Variants in MED1 observed in about 807,000 individuals in gnomAD.
MED1 encodes mediator of RNA polymerase II transcription subunit 1.
Under a neutral mutation model 121.3 loss-of-function variants are expected in MED1, and 17 were observed. The observed-to-expected ratio is 0.14, with a 90% confidence interval of 0.10 to 0.21. The LOEUF (loss-of-function observed/expected upper bound fraction) is 0.21. Among genes scored for constraint, MED1 ranks in the 10% least tolerant of loss-of-function variants. The pLI, the probability that MED1 is intolerant of heterozygous loss-of-function variation, is 1.00. For synonymous variants in MED1, 661 were observed against 694.4 expected (o/e 0.95, Z 0.76); for missense variants, 1,558 against 1,919.4 (o/e 0.81, Z 3.52).
intron 14 of MED1, among the ~76,000 whole-genome samples, chr17:39,418,085 C>CACA (rs1555541882): frequency 1.8e-5 from 1 of 55,648 alleles, no homozygotes; most frequent in Non-Finnish European, 3.1e-5. Context: ...GACTCCGTCT[C>CACA]AAAAAAAAAA....
rs1567639621 is a variant in MED1 at position 39,410,859 on chromosome 17, T to C, written c.1500-138A>G. On this transcript the variant is annotated intron_variant, in intron 16 of 16. Coordinates refer to ENST00000300651, the MANE Select transcript of MED1 (RefSeq NM_004774.4). Reference sequence around the variant, plus strand: ...AATCTGTAAGACAAAAATAGTTCTATCAAATACCAGAGCTTTGGGTAAATA... The same window carrying C: ...AATCTGTAAGACAAAAATAGTTCTACCAAATACCAGAGCTTTGGGTAAATA... The C allele has an allele frequency of 2.0e-5, 26 of 1,278,770 alleles. No individual in the cohort carries two copies. In the South Asian group the frequency reaches 4.1e-4, roughly 20 times the overall value. 79.2% of individuals were successfully genotyped at this position (1,278,770 alleles called of 1,614,324 possible).
At chr17:39,444,951 A>G (rs2144773393) in intron 2 of MED1, among the ~76,000 whole-genome samples, 1 of 152,260 alleles carries the variant, frequency 6.6e-6, no homozygotes, top group East Asian at 1.9e-4. Flanking sequence ...TTTCTCTCTG[A>G]AAAACATTCC....
At chr17:39,411,088 A>G (rs2048351358) in intron 16 of MED1, among the ~76,000 whole-genome samples, 1 of 152,150 alleles carries the variant, frequency 6.6e-6, no homozygotes, top group Non-Finnish European at 1.5e-5. Flanking sequence ...TGGGAGGCCA[A>G]GGCGGCTGGA....
chr17:39,414,743 C>T (rs1445594911), intron 16 of MED1, among the ~76,000 whole-genome samples: 1 of 148,060 alleles, frequency 6.8e-6, no homozygotes, highest in Non-Finnish European at 1.5e-5. Flanking sequence ...AATCTTGGCT[C>T]ACTGCAACCT....
chr17:39,425,993 G>A (rs2048511669), intron 10 of MED1, among the ~76,000 whole-genome samples: 2 of 152,054 alleles, frequency 1.3e-5, no homozygotes, highest in Admixed American at 6.6e-5. Context: ...ACAGGCTGGT[G>A]CACTGGCTCA....
intron 9 of MED1, among the ~76,000 whole-genome samples, chr17:39,430,505 C>T (rs774687969): frequency 6.1e-5 from 9 of 148,396 alleles, no homozygotes; most frequent in Non-Finnish European, 8.9e-5. Context: ...TCCTGGCTAA[C>T]GCTGTGAAAC....
At position 39,414,915 on chromosome 17, in the gene MED1, G is replaced by A. The variant is rs182711047; in HGVS notation, c.1499+111C>T. 9.8e-4 allele frequency: 865 copies of A among 881,884 alleles called. 6 individuals are homozygous for A. The highest frequency in any genetic ancestry group is 7.8e-3 in the Middle Eastern group (34 of 4,354). 54.6% of individuals were successfully genotyped at this position (881,884 alleles called of 1,614,324 possible). A position where few individuals can be genotyped will look rare whatever the true frequency, so the allele number is the denominator to read the frequency against. ...AATCTTCTGACCTCGTGATCCGCCT[G>A]CCTCGGCCTCCCAAAGTGTGGGGAT... is the stretch of plus-strand genomic sequence containing the variant. On this transcript the variant is annotated intron_variant, in intron 16 of 16. Coordinates refer to ENST00000300651, the MANE Select transcript of MED1 (RefSeq NM_004774.4).
Position 39,434,334 on chromosome 17 carries a change from AGGGAAGAGG to A in MED1, c.429-23_429-15del. ...AAATTTTTTTCCCTATAAGGAGTTC[AGGGAAGAGG>A]GGAAAGAGAGGAAAATAAAACATAA... On this transcript the variant is annotated splice_polypyrimidine_tract_variant and intron_variant, in intron 6 of 16. Transcript: ENST00000300651. 7.1e-7 allele frequency: 1 copy of A among 1,399,896 alleles called. No individual in the cohort carries two copies. Among genetic ancestry groups the A allele is most frequent in the Non-Finnish European group, 9.8e-7 (1 of 1,022,722 alleles). 86.7% of individuals were successfully genotyped at this position (1,399,896 alleles called of 1,614,324 possible). A position where few individuals can be genotyped will look rare whatever the true frequency, so the allele number is the denominator to read the frequency against.
Position 39,423,465 on chromosome 17 carries a change from T to C in MED1, c.977-20A>G. 1.9e-6 allele frequency: 3 copies of C among 1,566,862 alleles called. No individual in the cohort carries two copies. The highest frequency in any genetic ancestry group is 1.1e-5 in the South Asian group (1 of 89,992). ...GAATTCCTGGAAAAACAAGAATCAATATAATGATCATGTTAAGATGAAAAC... is the reference window on the plus strand; with the variant it reads ...GAATTCCTGGAAAAACAAGAATCAACATAATGATCATGTTAAGATGAAAAC... On this transcript the variant is annotated intron_variant, in intron 12 of 16. Coordinates refer to ENST00000300651, the MANE Select transcript of MED1 (RefSeq NM_004774.4).
chr17:39,424,666 G>C lies in MED1; in HGVS notation c.812C>G (p.Ala271Gly), dbSNP rs1305611905. ...GTSAVYKLPI[A>G]PLIMGSHPVD... ...TGGATGTGACCCCATAATTAATGGTGCAATTGGGAGTTTGTACACAGCAGA... is the reference window on the plus strand; with the variant it reads ...TGGATGTGACCCCATAATTAATGGTCCAATTGGGAGTTTGTACACAGCAGA... Residue 271 changes from alanine (A) to glycine (G), a missense_variant, in exon 11 of 17, where the codon GCA becomes GGA. Around this residue, in one of 5 missense-constraint regions of MED1, gnomAD observed 443 missense variants for 532.4 expected, o/e 0.83. Transcript: ENST00000300651. The C allele has an allele frequency of 6.2e-7, 1 of 1,607,890 alleles. No homozygotes were observed. The highest frequency in any genetic ancestry group is 1.1e-5 in the South Asian group (1 of 89,900).
rs2048657828 is a variant in MED1, at chr17:39,440,002, G to C, written c.399+384C>G. 7.6e-6 allele frequency among the ~76,000 whole-genome samples: 1 copy of C among 132,052 alleles called. No homozygotes were observed. The highest frequency in any genetic ancestry group is 2.1e-4 in the East Asian group (1 of 4,730). 86.6% of individuals were successfully genotyped at this position (132,052 alleles called of 152,430 possible). A position where few individuals can be genotyped will look rare whatever the true frequency, so the allele number is the denominator to read the frequency against. ...AGAAAGAAAGAAGGAAGGAAGGAAG[G>C]AAGGAAGGAAGGAAGGAAAGAAAGA... On this transcript the variant is annotated intron_variant, in intron 5 of 16. Transcript: ENST00000300651. The surrounding 1 kb of genome is among the most constrained non-coding windows in gnomAD (Gnocchi z 4.1).
intron 3 of MED1, among the ~76,000 whole-genome samples, chr17:39,442,258 G>A (rs1431795373): frequency 6.6e-6 from 1 of 151,930 alleles, no homozygotes; most frequent in Non-Finnish European, 1.5e-5. Context: ...TTGCTTTCCT[G>A]GAAATTTGCT....
At chr17:39,443,978 A>T (rs1337787139) in intron 2 of MED1, among the ~76,000 whole-genome samples, 1 of 152,172 alleles carries the variant, frequency 6.6e-6, no homozygotes, top group Non-Finnish European at 1.5e-5. Context: ...AGTCAAAAAC[A>T]AAAAAGAAAA....
Position 39,406,704 on chromosome 17 carries a change from C to T in MED1, c.*771G>A, listed in dbSNP as rs2048306293. 1 of 985,126 alleles carries T rather than the reference C, an allele frequency of 1.0e-6. No homozygotes were observed. 61.0% of individuals were successfully genotyped at this position (985,126 alleles called of 1,614,324 possible). A position where few individuals can be genotyped will look rare whatever the true frequency, so the allele number is the denominator to read the frequency against. Reference sequence around the variant, plus strand: ...ATTTTGGTTTTTCTATTATATTTAACTCTAAAGGCGGGCTCTGACTAATTT... The same window carrying T: ...ATTTTGGTTTTTCTATTATATTTAATTCTAAAGGCGGGCTCTGACTAATTT... On this transcript the variant is annotated 3_prime_UTR_variant, in exon 17 of 17. Coordinates refer to ENST00000300651, the MANE Select transcript of MED1 (RefSeq NM_004774.4).
intron 13 of MED1, among the ~76,000 whole-genome samples, chr17:39,421,532 G>A (rs899509833): frequency 1.3e-5 from 2 of 151,902 alleles, no homozygotes; most frequent in Admixed American, 1.3e-4. Context: ...CCTGGCAACA[G>A]AGCTAGCTAG....
chr17:39,414,732 C>T (rs1446042710), intron 16 of MED1, among the ~76,000 whole-genome samples: 2 of 133,038 alleles, frequency 1.5e-5, no homozygotes, highest in Non-Finnish European at 3.1e-5. Flanking sequence ...TGCAATGGCG[C>T]AATCTTGGCT....
chr17:39,450,887 G>A, intron 1 of MED1, 151 bp downstream of exon 1: 6 of 600,974 alleles, frequency 1.0e-5, no homozygotes, highest in Non-Finnish European at 1.8e-5. Context: ...CACCAAGGAG[G>A]GTATAGTGAC....
chr17:39,424,456 C>T lies in MED1; in HGVS notation c.851+171G>A, dbSNP rs574287253. On this transcript the variant is annotated intron_variant, in intron 11 of 16. Transcript: ENST00000300651. Reference sequence around the variant, plus strand: ...AGTGCAGAGAATGTGTTCTACGAGCCGACTTTGGAGAGGAACACTCAGATA... The same window carrying T: ...AGTGCAGAGAATGTGTTCTACGAGCTGACTTTGGAGAGGAACACTCAGATA... Among the ~76,000 whole-genome samples, 8 of 152,148 alleles carry T rather than the reference C, an allele frequency of 5.3e-5. No individual in the cohort carries two copies. In the East Asian group the frequency reaches 1.3e-3, roughly 26 times the overall value.
At chr17:39,426,726 G>T (rs1403952590) in intron 10 of MED1, among the ~76,000 whole-genome samples, 2 of 152,000 alleles carry the variant, frequency 1.3e-5, no homozygotes, top group Non-Finnish European at 2.9e-5. Context: ...TAGAGACAGG[G>T]TTTCTCCATG....
Sources: allele counts gnomAD v4.1 joint callset (sites outside exome capture counted in the v4.1 genomes callset), GRCh38; gene constraint gnomAD v4.1.1; regional missense constraint gnomAD v4.1.1; non-coding constraint Gnocchi (gnomAD v3.1); transcripts MANE v1.5; gene names NCBI Gene and HGNC (gene_info 2026-07-23, HGNC 2026-07-21).